The following GARS1 variants were observed in gnomAD, a reference collection of about 807,000 sequenced individuals.
GARS1 encodes the protein glycine--tRNA ligase.
A neutral mutation model predicts 86.4 loss-of-function variants in GARS1; 46 were observed. That is an observed-to-expected ratio of 0.53 (90% CI 0.42 to 0.68). The LOEUF is 0.68. Ranked by LOEUF, GARS1 falls within the 30% of genes least tolerant of loss-of-function variation. GARS1 has a pLI of 0.00. For missense variants in GARS1, 797 were observed against 915.6 expected (o/e 0.87, Z 1.67); for synonymous variants, 342 against 329.8 (o/e 1.04, Z -0.40).
intron 1 of GARS1, among the ~76,000 whole-genome samples, chr7:30,595,407 C>T (rs1315400394): frequency 6.6e-6 from 1 of 152,204 alleles, no homozygotes; most frequent in Non-Finnish European, 1.5e-5. Context: ...CCCTCTCCGG[C>T]TCCGTTCTCC....
chr7:30,606,522 T>A (rs915022472), intron 6 of GARS1, among the ~76,000 whole-genome samples: 1 of 152,218 alleles, frequency 6.6e-6, no homozygotes. Context: ...TTTTTCCTCC[T>A]ACTGTTGTGA....
At chr7:30,611,106 T>C (rs1791589617) in intron 7 of GARS1, among the ~76,000 whole-genome samples, 1 of 152,242 alleles carries the variant, frequency 6.6e-6, no homozygotes, top group Non-Finnish European at 1.5e-5. Flanking sequence ...GTGGATGTTT[T>C]GCACAGAATA....
chr7:30,632,547 T>A lies in GARS1; in HGVS notation c.2094+110T>A. 8.5e-7 allele frequency: 1 copy of A among 1,182,496 alleles called. No homozygotes were observed. Among genetic ancestry groups the A allele is most frequent in the Non-Finnish European group, 1.2e-6 (1 of 809,740 alleles). The allele number at this position is 1,182,496 out of a possible 1,614,324, so 73.3% of individuals were successfully genotyped here. A position where few individuals can be genotyped will look rare whatever the true frequency, so the allele number is the denominator to read the frequency against. Reference sequence around the variant, plus strand: ...GCTCCCTTTCCTTTTTTTTTCTTTTTAATTTTAATGAACGGCTTGTATCAG... The same window carrying A: ...GCTCCCTTTCCTTTTTTTTTCTTTTAAATTTTAATGAACGGCTTGTATCAG... On this transcript the variant is annotated intron_variant, in intron 16 of 16. Coordinates refer to ENST00000389266, the MANE Select transcript of GARS1 (RefSeq NM_002047.4). This position sits in a 1 kb window ranked among gnomAD's most constrained non-coding sequence, Gnocchi z 4.1.
At chr7:30,612,005 T>C in intron 7 of GARS1, 91 bp from the exon 8 acceptor site, 2 of 1,187,882 alleles carry the variant, frequency 1.7e-6, no homozygotes, top group Non-Finnish European at 1.3e-6. Context: ...ATGGTATATT[T>C]AGGACTTTTA....
chr7:30,622,851 A>G (rs1783044994), intron 12 of GARS1, among the ~76,000 whole-genome samples: 1 of 152,180 alleles, frequency 6.6e-6, no homozygotes, highest in Non-Finnish European at 1.5e-5. Flanking sequence ...CTGTAATCCC[A>G]GCACTTTGGG....
At chr7:30,612,365 T>A in intron 8 of GARS1, 120 bp downstream of exon 8, 1 of 983,188 alleles carries the variant, frequency 1.0e-6, no homozygotes, top group Non-Finnish European at 1.6e-6. Flanking sequence ...ATTTTTGTTT[T>A]CTCCAAAAAT....
intron 15 of GARS1, 118 bp downstream of exon 15, chr7:30,631,659 A>G: frequency 1.3e-6 from 1 of 745,446 alleles, no homozygotes; most frequent in Admixed American, 1.9e-5. Flanking sequence ...AAATGATTTT[A>G]TAAAGAGTAC....
Position 30,617,004 on chromosome 7 carries a change from G to T in GARS1, c.1195-110G>T. On this transcript the variant is annotated intron_variant, in intron 9 of 16. Transcript: ENST00000389266. The stretch of plus-strand genomic sequence containing the variant: ...CAAGATAAAATAGTTTGTGTTGGGT[G>T]TCAAATATTTTTCAGTAGAGTGAGT... The T allele has an allele frequency of 8.7e-6, 9 of 1,034,298 alleles. No homozygotes were observed. The South Asian group carries it at 1.1e-4, about 13-fold the overall frequency. 64.1% of individuals were successfully genotyped at this position (1,034,298 alleles called of 1,614,324 possible). A position where few individuals can be genotyped will look rare whatever the true frequency, so the allele number is the denominator to read the frequency against.
intron 13 of GARS1, chr7:30,627,153 A>G: frequency 2.3e-6 from 1 of 437,848 alleles, no homozygotes; most frequent in Non-Finnish European, 4.7e-6. Flanking sequence ...GAAACGGAGT[A>G]GTAATGGGTG....
At position 30,630,698 on chromosome 7, in the gene GARS1, T is replaced by C. The variant is rs1292710156; in HGVS notation, c.1810-750T>C. 2.0e-5 allele frequency among the ~76,000 whole-genome samples: 3 copies of C among 152,072 alleles called. No homozygotes were observed. In the East Asian group the frequency reaches 5.8e-4, roughly 30 times the overall value. ...GCTAATTTTTTAGTTTTTGTAGAGA[T>C]GGGGTCTTGCCATGTTGCCCTGGCT... On this transcript the variant is annotated intron_variant, in intron 14 of 16. Transcript: ENST00000389266.
Position 30,632,084 on chromosome 7 carries a change from A to G in GARS1, c.1904-163A>G, listed in dbSNP as rs1783245221. On this transcript the variant is annotated intron_variant, in intron 15 of 16. Coordinates refer to ENST00000389266, the MANE Select transcript of GARS1 (RefSeq NM_002047.4). This position sits in a 1 kb window ranked among gnomAD's most constrained non-coding sequence, Gnocchi z 4.1. Reference sequence around the variant, plus strand: ...GTGAAGATTTGGATTCCCGCAAGGGATTTATTAAACTTTAGGGATATTTCT... The same window carrying G: ...GTGAAGATTTGGATTCCCGCAAGGGGTTTATTAAACTTTAGGGATATTTCT... The G allele has an allele frequency of 1.4e-6, 1 of 704,176 alleles. No individual in the cohort carries two copies. The highest frequency in any genetic ancestry group is 2.5e-6 in the Non-Finnish European group (1 of 406,052). 43.6% of individuals were successfully genotyped at this position (704,176 alleles called of 1,614,324 possible). A position where few individuals can be genotyped will look rare whatever the true frequency, so the allele number is the denominator to read the frequency against.
In GARS1 at chr7:30,632,315, T is replaced by C; in HGVS notation, c.1972T>C (p.Tyr658His). Residue 658 changes from tyrosine to histidine, a missense_variant, in exon 16 of 17, where the codon TAT becomes CAT. Physicochemically the swap from Tyr to His is moderately conservative, Grantham distance 83. Coordinates refer to ENST00000389266, the MANE Select transcript of GARS1 (RefSeq NM_002047.4). This position sits in a 1 kb window ranked among gnomAD's most constrained non-coding sequence, Gnocchi z 4.1. The part of the protein sequence containing the change: ...DDSSGSIGRR[Y>H]ARTDEIGVAF... ...TTCCTCTGGGTCAATCGGAAGGCGC[T>C]ATGCCAGGACTGATGAGATTGGCGT... 1 of 1,614,198 alleles carries C rather than the reference T, an allele frequency of 6.2e-7. No individual in the cohort carries two copies. Among genetic ancestry groups the C allele is most frequent in the Non-Finnish European group, 8.5e-7 (1 of 1,180,036 alleles).
chr7:30,600,998 C>G, intron 3 of GARS1, 61 bp from the exon 4 acceptor site: 1 of 1,524,126 alleles, frequency 6.6e-7, no homozygotes, highest in Non-Finnish European at 9.1e-7. Flanking sequence ...CTCATGTCTC[C>G]TTGCCTTCAT....
rs759683700 is a variant in GARS1, at chr7:30,626,194, C to A, written c.1614-40C>A. The A allele has an allele frequency of 2.0e-5, 26 of 1,284,136 alleles. No individual in the cohort carries two copies. In the Admixed American group the frequency reaches 4.4e-4, roughly 22 times the overall value. The allele number at this position is 1,284,136 out of a possible 1,614,324, so 79.5% of individuals were successfully genotyped here. A position where few individuals can be genotyped will look rare whatever the true frequency, so the allele number is the denominator to read the frequency against. The stretch of plus-strand genomic sequence containing the variant: ...TCCTTTAAATTAAGGCACAGGGTGC[C>A]TGTTTGAACTAATACAAAATGTGTT... On this transcript the variant is annotated intron_variant, in intron 12 of 16. Coordinates refer to ENST00000389266, the MANE Select transcript of GARS1 (RefSeq NM_002047.4).
intron 8 of GARS1, among the ~76,000 whole-genome samples, chr7:30,613,570 T>C (rs1782822284): frequency 6.6e-6 from 1 of 152,208 alleles, no homozygotes; most frequent in Admixed American, 6.5e-5. Flanking sequence ...AGTAAGGCAG[T>C]GTCTGGGGCC....
chr7:30,602,997 T>G (rs1791410945), intron 4 of GARS1, 37 bp from the exon 5 acceptor site: 31 of 1,353,518 alleles, frequency 2.3e-5, no homozygotes, highest in Non-Finnish European at 3.0e-5. Context: ...GTAATTTGTA[T>G]GAGAATGACA....
At position 30,594,916 on chromosome 7, in the gene GARS1, A is replaced by G. The variant is rs747409671; in HGVS notation, c.-6A>G. 70 of 1,570,596 alleles carry G rather than the reference A, an allele frequency of 4.5e-5. No individual in the cohort carries two copies. The highest frequency in any genetic ancestry group is 5.8e-5 in the Non-Finnish European group (68 of 1,165,588). On this transcript the variant is annotated 5_prime_UTR_variant, in exon 1 of 17. Transcript: ENST00000389266. Reference sequence around the variant, plus strand: ...CCCTCTCTGGACAGCCCAGGGCCGCAGGCTCATGCCCTCTCCGCGTCCAGT... The same window carrying G: ...CCCTCTCTGGACAGCCCAGGGCCGCGGGCTCATGCCCTCTCCGCGTCCAGT...
intron 12 of GARS1, among the ~76,000 whole-genome samples, chr7:30,623,840 C>T (rs1010026173): frequency 6.6e-6 from 1 of 152,174 alleles, no homozygotes; most frequent in Non-Finnish European, 1.5e-5. Flanking sequence ...GAAAAAGACT[C>T]ATCACATAAA....
At chr7:30,609,033 A>G (rs1481630421) in intron 6 of GARS1, among the ~76,000 whole-genome samples, 4 of 152,216 alleles carry the variant, frequency 2.6e-5, no homozygotes, top group African/African-American at 9.6e-5. Context: ...CTGATGATCA[A>G]TGTATAGAAT....
Sources: allele counts gnomAD v4.1 joint callset (sites outside exome capture counted in the v4.1 genomes callset), GRCh38; gene constraint gnomAD v4.1.1; non-coding constraint Gnocchi (gnomAD v3.1); transcripts MANE v1.5; gene names NCBI Gene and HGNC (gene_info 2026-07-23, HGNC 2026-07-21).